The following CDCA2 variants were observed in gnomAD, a reference collection of about 807,000 sequenced individuals.
CDCA2 encodes the protein cell division cycle-associated protein 2.
In CDCA2, 44 loss-of-function variants were observed where a neutral mutation model predicts 67.0. The observed-to-expected ratio is 0.66, with a 90% confidence interval of 0.52 to 0.84. The LOEUF (loss-of-function observed/expected upper bound fraction) is 0.84. Among genes scored for constraint, CDCA2 ranks in the 40% least tolerant of loss-of-function variants. The pLI, the probability that CDCA2 is intolerant of heterozygous loss-of-function variation, is 0.00. For missense variants in CDCA2, 1,253 were observed against 1,203.2 expected (o/e 1.04, Z -0.61); for synonymous variants, 447 against 418.7 (o/e 1.07, Z -0.82).
intron 13 of CDCA2, 104 bp downstream of exon 13, chr8:25,488,793 C>A: frequency 5.2e-6 from 6 of 1,163,240 alleles, no homozygotes; most frequent in Non-Finnish European, 5.7e-6. Flanking sequence ...TGACTTTGGA[C>A]CAAGATTATT....
chr8:25,464,586 A>G (rs1802825692), intron 4 of CDCA2, among the ~76,000 whole-genome samples: 1 of 152,234 alleles, frequency 6.6e-6, no homozygotes, highest in African/African-American at 2.4e-5. Context: ...CTCCTTCTCC[A>G]GTAGAAAATA....
intron 13 of CDCA2, among the ~76,000 whole-genome samples, chr8:25,494,896 A>G (rs1217603843): frequency 6.6e-6 from 1 of 152,172 alleles, no homozygotes; most frequent in East Asian, 1.9e-4. Flanking sequence ...AGAAATAACC[A>G]TGTGAGGACA....
In CDCA2 at chr8:25,475,380, G is replaced by C. The variant is rs527825632; in HGVS notation, c.821-4533G>C. Among the ~76,000 whole-genome samples the C allele has an allele frequency of 3.9e-5, 6 of 152,238 alleles. No individual in the cohort carries two copies. The East Asian group carries it at 1.2e-3, about 30-fold the overall frequency. On this transcript the variant is annotated intron_variant, in intron 7 of 14. Coordinates refer to ENST00000330560, the MANE Select transcript of CDCA2 (RefSeq NM_152562.4). ...CTAAAAATACAAAAATTAGCCAGGCGTGGTGGCACCTGCCTGTAATCCCAG... is the reference window on the plus strand; with the variant it reads ...CTAAAAATACAAAAATTAGCCAGGCCTGGTGGCACCTGCCTGTAATCCCAG...
At chr8:25,486,564 A>T (rs1803783113) in intron 11 of CDCA2, among the ~76,000 whole-genome samples, 1 of 151,740 alleles carries the variant, frequency 6.6e-6, no homozygotes, top group South Asian at 2.1e-4. Flanking sequence ...TTACTTTGGG[A>T]GGCTAAGGCA....
intron 12 of CDCA2, among the ~76,000 whole-genome samples, chr8:25,487,797 T>TAACC (rs1803842275): frequency 6.6e-6 from 1 of 152,156 alleles, no homozygotes; most frequent in Non-Finnish European, 1.5e-5. Flanking sequence ...TGATAGTGTG[T>TAACC]TTCTGATTTG....
chr8:25,505,219 T>G lies in CDCA2; in HGVS notation c.1844-1291T>G, dbSNP rs559032038. On this transcript the variant is annotated intron_variant, in intron 14 of 14. Coordinates refer to ENST00000330560, the MANE Select transcript of CDCA2 (RefSeq NM_152562.4). ...TCTTTTTGTTTGTTTGTTTGTTTTT[T>G]GAGATGGAGTCTCACTCTGTCGCCC... is the stretch of plus-strand genomic sequence containing the variant. 1.1e-3 allele frequency among the ~76,000 whole-genome samples: 174 copies of G among 152,306 alleles called. 1 individual carries two copies. Among genetic ancestry groups the G allele is most frequent in the Non-Finnish European group, 2.1e-3 (143 of 68,028 alleles).
chr8:25,468,272 C>G lies in CDCA2; in HGVS notation c.594C>G (p.Ser198=). 1 of 1,613,838 alleles carries G rather than the reference C, an allele frequency of 6.2e-7. No homozygotes were observed. The highest frequency in any genetic ancestry group is 8.5e-7 in the Non-Finnish European group (1 of 1,179,874). ...CQQSGFPAVL[S]SKRRRISYQR... ...AGTCTGGGTTCCCTGCAGTGTTGTC[C>G]TCCAAACGTCGGAGAATATCCTATC... Residue 198 remains serine (S), a synonymous_variant, in exon 6 of 15, where the codon TCC becomes TCG. Transcript: ENST00000330560.
chr8:25,494,960 G>A lies in CDCA2; in HGVS notation c.1671+6271G>A, dbSNP rs544236433. On this transcript the variant is annotated intron_variant, in intron 13 of 14. Transcript: ENST00000330560. ...AGGAGAGAGGCCCCAAGAGACACCA[G>A]CCCTGCCAACACCCTGATCTTGCAC... Among the ~76,000 whole-genome samples, 3 of 152,294 alleles carry A rather than the reference G, an allele frequency of 2.0e-5. No homozygotes were observed. The East Asian group carries it at 5.8e-4, about 29-fold the overall frequency.
At chr8:25,478,884 GTGTGTATATA>G (rs887939010) in intron 7 of CDCA2, among the ~76,000 whole-genome samples, 49 of 117,570 alleles carry the variant, frequency 4.2e-4, no homozygotes, top group African/African-American at 8.7e-4. Context: ...CTTGTTGTGT[GTGTGTATATA>G]TATATATATA....
At chr8:25,484,407 A>G (rs1803686940) in intron 10 of CDCA2, among the ~76,000 whole-genome samples, 197 bp downstream of exon 10, 1 of 152,178 alleles carries the variant, frequency 6.6e-6, no homozygotes. Flanking sequence ...CTCCTTGTAC[A>G]TATTGAACAG....
At chr8:25,499,707 C>T (rs1804393785) in intron 13 of CDCA2, among the ~76,000 whole-genome samples, 1 of 152,224 alleles carries the variant, frequency 6.6e-6, no homozygotes, top group Admixed American at 6.5e-5. Context: ...TGCCTCCTGA[C>T]CTCCTTCACT....
chr8:25,472,213 TTA>T (rs61660568), intron 7 of CDCA2: 2 of 144,522 alleles, frequency 1.4e-5, no homozygotes, highest in Non-Finnish European at 3.1e-5. Context: ...TTTTTTTTTT[TTA>T]CCTCAAATGG....
In CDCA2 at chr8:25,507,602, G is replaced by A. The variant is rs1482161841; in HGVS notation, c.2936G>A (p.Cys979Tyr). 28 of 1,614,124 alleles carry A rather than the reference G, an allele frequency of 1.7e-5. No individual in the cohort carries two copies. Among genetic ancestry groups the A allele is most frequent in the Non-Finnish European group, 2.1e-5 (25 of 1,180,014 alleles). Reference sequence around the variant, plus strand: ...CCTGGTAAGAGGAGGAAGAGCTTTTGTATATCTACACTTGCAAATACTAAA... The same window carrying A: ...CCTGGTAAGAGGAGGAAGAGCTTTTATATATCTACACTTGCAAATACTAAA... ...DEPGKRRKSF[C>Y]ISTLANTKAT... Residue 979 changes from cysteine to tyrosine, a missense_variant, in exon 15 of 15, where the codon TGT (cysteine) becomes TAT (tyrosine). By Grantham distance (194) the Cys-to-Tyr change is radical (BLOSUM62 -2). Coordinates refer to ENST00000330560, the MANE Select transcript of CDCA2 (RefSeq NM_152562.4).
At chr8:25,459,931 C>T (rs912130958) in intron 1 of CDCA2, among the ~76,000 whole-genome samples, 1 of 152,002 alleles carries the variant, frequency 6.6e-6, no homozygotes, top group African/African-American at 2.4e-5. Flanking sequence ...TTTAATTGTG[C>T]ATTTAAACAT....
chr8:25,471,529 G>T (rs1803155195), intron 7 of CDCA2, among the ~76,000 whole-genome samples: 1 of 151,988 alleles, frequency 6.6e-6, no homozygotes, highest in Non-Finnish European at 1.5e-5. Flanking sequence ...GCCCAGCTGA[G>T]TTTTTTGTAT....
intron 6 of CDCA2, among the ~76,000 whole-genome samples, chr8:25,468,870 C>T (rs1803041238): frequency 6.6e-6 from 1 of 152,100 alleles, no homozygotes; most frequent in Non-Finnish European, 1.5e-5. Flanking sequence ...TGCACTTATA[C>T]CTGCCCCTGA....
In CDCA2 at chr8:25,468,304, ACT is replaced by A; in HGVS notation, c.629_630del (p.Ser210Ter). The A allele has an allele frequency of 3.7e-6, 6 of 1,612,864 alleles. No homozygotes were observed. Among genetic ancestry groups the A allele is most frequent in the Non-Finnish European group, 3.4e-6 (4 of 1,178,962 alleles). On this transcript the variant is annotated frameshift_variant, in exon 6 of 15. Transcript: ENST00000330560. LOFTEE classifies it high-confidence loss of function. ...CGTCGGAGAATATCCTATCAGAGAGACTCTGATGAAAATCTGACGGATGCTGA... is the reference window on the plus strand; with the variant it reads ...CGTCGGAGAATATCCTATCAGAGAGACTGATGAAAATCTGACGGATGCTGA...
At chr8:25,498,451 G>GCAC (rs1554526820) in intron 13 of CDCA2, among the ~76,000 whole-genome samples, 35 of 62,086 alleles carry the variant, frequency 5.6e-4, no homozygotes, top group Admixed American at 3.5e-3. Context: ...CAGGTAATCT[G>GCAC]CACCCCCCCC....
At chr8:25,497,418 C>T (rs1252914215) in intron 13 of CDCA2, among the ~76,000 whole-genome samples, 3 of 149,866 alleles carry the variant, frequency 2.0e-5, no homozygotes, top group Non-Finnish European at 2.9e-5. Context: ...ATAGAAGGAC[C>T]TTAAGGGCAT....
Sources: allele counts gnomAD v4.1 joint callset (sites outside exome capture counted in the v4.1 genomes callset), GRCh38; gene constraint gnomAD v4.1.1; transcripts MANE v1.5; gene names NCBI Gene and HGNC (gene_info 2026-07-23, HGNC 2026-07-21).